The following SQSTM1 variants were observed in gnomAD, a reference collection of about 807,000 sequenced individuals.
SQSTM1 encodes sequestosome-1.
SQSTM1 carries 36 observed loss-of-function variants against 45.1 expected under a neutral mutation model. That is an observed-to-expected ratio of 0.80 (90% confidence interval 0.61 to 1.05). The LOEUF (loss-of-function observed/expected upper bound fraction) is 1.05. SQSTM1 is among the 50% of genes least tolerant of loss of function. The pLI, the probability that SQSTM1 is intolerant of heterozygous loss-of-function variation, is 0.00. For synonymous variants in SQSTM1, 290 were observed against 244.3 expected (o/e 1.19, Z -1.74); for missense variants, 617 against 607.1 (o/e 1.02, Z -0.17).
Position 179,823,073 on chromosome 5 carries a change from G to T in SQSTM1, c.301+20G>T, listed in dbSNP as rs1196036120. The T allele has an allele frequency of 1.2e-6, 2 of 1,606,786 alleles. No homozygotes were observed. Among genetic ancestry groups the T allele is most frequent in the East Asian group, 4.5e-5 (2 of 44,822 alleles). On this transcript the variant is annotated intron_variant, in intron 2 of 7. Coordinates refer to ENST00000389805, the MANE Select transcript of SQSTM1 (RefSeq NM_003900.5). ...TTAAAGGTAAGGGGCTGCTCTGGGG[G>T]CTGCCTGAAGCCAGCTCAGCTTGTA...
At position 179,837,959 on chromosome 5, in the gene SQSTM1, T is replaced by A; in HGVS notation, c.*1366T>A. The A allele has an allele frequency of 1.4e-6, 2 of 1,440,278 alleles. No individual in the cohort carries two copies. Among genetic ancestry groups the A allele is most frequent in the Non-Finnish European group, 1.9e-6 (2 of 1,064,442 alleles). 89.2% of individuals were successfully genotyped at this position (1,440,278 alleles called of 1,614,324 possible). On this transcript the variant is annotated 3_prime_UTR_variant, in exon 8 of 8. Coordinates refer to ENST00000389805, the MANE Select transcript of SQSTM1 (RefSeq NM_003900.5). Reference sequence around the variant, plus strand: ...GCCCAGGAGGACCGCCTGCCCTGCCTGGGCCTTGGCTGGGCCTCTGGTTCT... The same window carrying A: ...GCCCAGGAGGACCGCCTGCCCTGCCAGGGCCTTGGCTGGGCCTCTGGTTCT...
intron 2 of SQSTM1, 109 bp from the exon 3 acceptor site, chr5:179,823,749 T>G: frequency 8.0e-7 from 1 of 1,244,708 alleles, no homozygotes; most frequent in East Asian, 2.4e-5. Context: ...GATTCCATGC[T>G]GGAGAGCAGG....
Position 179,835,086 on chromosome 5 carries a change from T to C in SQSTM1, c.1165+1304T>C, listed in dbSNP as rs1328798228. The C allele has an allele frequency of 8.9e-4, 181 of 203,378 alleles. 1 individual carries two copies. Among genetic ancestry groups the C allele is most frequent in the African/African-American group, 3.6e-3 (141 of 39,576 alleles). The allele number at this position is 203,378 out of a possible 1,614,324, so 12.6% of individuals were successfully genotyped here. ...GCAGAGACGCTCCTCACCTCCCGGA[T>C]GGGGTCGCGGCCAGGCAGAGGCGCT... On this transcript the variant is annotated intron_variant, in intron 7 of 7. Coordinates refer to ENST00000389805, the MANE Select transcript of SQSTM1 (RefSeq NM_003900.5).
chr5:179,824,423 G>C, intron 4 of SQSTM1, 100 bp downstream of exon 4: 1 of 1,551,854 alleles, frequency 6.4e-7, no homozygotes, highest in South Asian at 1.1e-5. Flanking sequence ...CAAGAATTCA[G>C]GATACCCCCC....
upstream of SQSTM1, among the ~76,000 whole-genome samples, chr5:179,814,864 G>A (rs1033778273): frequency 1.3e-5 from 2 of 151,992 alleles, no homozygotes; most frequent in African/African-American, 2.4e-5. Context: ...CATGGTTGCC[G>A]TGATCCATGA....
At position 179,823,900 on chromosome 5, in the gene SQSTM1, A is replaced by C; in HGVS notation, c.344A>C (p.Gln115Pro). 1 of 1,613,464 alleles carries C rather than the reference A, an allele frequency of 6.2e-7. No homozygotes were observed. Among genetic ancestry groups the C allele is most frequent in the Non-Finnish European group, 8.5e-7 (1 of 1,180,022 alleles). Reference sequence around the variant, plus strand: ...CGGGACCACCGCCCACCGTGTGCTCAGGAGGCGCCCCGCAACATGGTGCAC... The same window carrying C: ...CGGGACCACCGCCCACCGTGTGCTCCGGAGGCGCCCCGCAACATGGTGCAC... ...CRRDHRPPCAQEAPRNMVHPN... is the reference protein window; with the variant it reads ...CRRDHRPPCAPEAPRNMVHPN... The change falls in exon 3 of 8, where the codon CAG becomes CCG. Residue 115 changes from glutamine to proline, a missense_variant. Coordinates refer to ENST00000389805, the MANE Select transcript of SQSTM1 (RefSeq NM_003900.5).
Position 179,837,550 on chromosome 5 carries a change from G to A in SQSTM1, c.*957G>A, listed in dbSNP as rs375294105. On this transcript the variant is annotated 3_prime_UTR_variant, in exon 8 of 8. Coordinates refer to ENST00000389805, the MANE Select transcript of SQSTM1 (RefSeq NM_003900.5). ...AAGGCCTCTCAGACCCAGATGTGAC[G>A]GGGTGTGTGGCCCGAGGAAGCTGGA... is the stretch of plus-strand genomic sequence containing the variant. 1.5e-4 allele frequency: 240 copies of A among 1,614,212 alleles called. No individual in the cohort carries two copies. Among genetic ancestry groups the A allele is most frequent in the Non-Finnish European group, 6.4e-5 (76 of 1,180,022 alleles).
chr5:179,832,346 C>T (rs547549264), intron 5 of SQSTM1, among the ~76,000 whole-genome samples: 2 of 152,320 alleles, frequency 1.3e-5, no homozygotes, highest in South Asian at 4.1e-4. Flanking sequence ...GGTGATTCTC[C>T]CCTCTGTCCC....
intron 6 of SQSTM1, 32 bp from the exon 7 acceptor site, chr5:179,833,555 C>T (rs1758349688): frequency 1.2e-6 from 2 of 1,613,014 alleles, no homozygotes; most frequent in Non-Finnish European, 1.7e-6. Flanking sequence ...TTGCGCGTGT[C>T]TCCTGTGTGC....
At position 179,836,725 on chromosome 5, in the gene SQSTM1, G is replaced by A. The variant is rs1247997965; in HGVS notation, c.*132G>A. The A allele has an allele frequency of 7.3e-7, 1 of 1,366,156 alleles. No homozygotes were observed. Among genetic ancestry groups the A allele is most frequent in the East Asian group, 2.3e-5 (1 of 43,716 alleles). The allele number at this position is 1,366,156 out of a possible 1,614,324, so 84.6% of individuals were successfully genotyped here. ...AGGATCAGGGGTTAGGGTGCAAGAAGCCATTTAGGGCAGCAAAACAAGTGA... is the reference window on the plus strand; with the variant it reads ...AGGATCAGGGGTTAGGGTGCAAGAAACCATTTAGGGCAGCAAAACAAGTGA... On this transcript the variant is annotated 3_prime_UTR_variant, in exon 8 of 8. Coordinates refer to ENST00000389805, the MANE Select transcript of SQSTM1 (RefSeq NM_003900.5).
intron 1 of SQSTM1, among the ~76,000 whole-genome samples, chr5:179,822,030 A>G (rs1256533781): frequency 6.6e-6 from 1 of 152,134 alleles, no homozygotes; most frequent in Admixed American, 6.5e-5. Context: ...GGTTTTCACT[A>G]TTTTCATAGG....
chr5:179,819,221 C>T (rs1473007359), upstream of SQSTM1, among the ~76,000 whole-genome samples: 3 of 152,202 alleles, frequency 2.0e-5, no homozygotes, highest in Non-Finnish European at 4.4e-5. Context: ...CGCGTGGGGG[C>T]AGGGCGGCCG....
chr5:179,836,996 C>CT lies in SQSTM1; in HGVS notation c.*404dup. 1 of 613,030 alleles carries CT rather than the reference C, an allele frequency of 1.6e-6. No homozygotes were observed. The allele number at this position is 613,030 out of a possible 1,614,324, so 38.0% of individuals were successfully genotyped here. The stretch of plus-strand genomic sequence containing the variant: ...TTTTCTGCTACAGACCTGGTACACT[C>CT]TGATTTTAGATAAAGTAAGCCTAGG... On this transcript the variant is annotated 3_prime_UTR_variant, in exon 8 of 8. Coordinates refer to ENST00000389805, the MANE Select transcript of SQSTM1 (RefSeq NM_003900.5).
At position 179,837,511 on chromosome 5, in the gene SQSTM1, T is replaced by C. The variant is rs772077418; in HGVS notation, c.*918T>C. On this transcript the variant is annotated 3_prime_UTR_variant, in exon 8 of 8. Transcript: ENST00000389805. ...CTGCCCAGGGAGTCCTTGCGTCCCATGAGGTCTTCCCGCAAGGCCTCTCAG... is the reference window on the plus strand; with the variant it reads ...CTGCCCAGGGAGTCCTTGCGTCCCACGAGGTCTTCCCGCAAGGCCTCTCAG... 6.2e-7 allele frequency: 1 copy of C among 1,614,192 alleles called. No homozygotes were observed. The highest frequency in any genetic ancestry group is 8.5e-7 in the Non-Finnish European group (1 of 1,180,016).
At chr5:179,823,445 C>CAAAAAAAAAAA (rs59899831) in intron 2 of SQSTM1, 11 of 55,922 alleles carry the variant, frequency 2.0e-4, no homozygotes, top group Non-Finnish European at 3.1e-4. Flanking sequence ...GCCTAGGCGA[C>CAAAAAAAAAAA]AAAAAAAAAA....
At chr5:179,832,882 C>G (rs146554613) in intron 5 of SQSTM1, 150 bp from the exon 6 acceptor site, 3 of 782,598 alleles carry the variant, frequency 3.8e-6, no homozygotes, top group Non-Finnish European at 6.5e-6. Context: ...TGCATCCACA[C>G]GCTGAGTGCC....
chr5:179,810,112 T>C (rs1316329021), intron 1 of SQSTM1, among the ~76,000 whole-genome samples: 1 of 152,100 alleles, frequency 6.6e-6, no homozygotes, highest in Non-Finnish European at 1.5e-5. Flanking sequence ...TAAATTTAAA[T>C]TTTTATTTTT....
chr5:179,819,573 G>A, upstream of SQSTM1, among the ~76,000 whole-genome samples: 1 of 152,244 alleles, frequency 6.6e-6, no homozygotes, highest in East Asian at 1.9e-4. Flanking sequence ...GTGGCTCTCA[G>A]GCGCCTGGGC....
chr5:179,828,045 G>C (rs545909782), intron 5 of SQSTM1, among the ~76,000 whole-genome samples: 1 of 152,190 alleles, frequency 6.6e-6, no homozygotes, highest in South Asian at 2.1e-4. Flanking sequence ...TGGGATCTTT[G>C]ATAAACCGAC....
Sources: gnomAD v4.1 joint callset for allele counts (sites outside exome capture counted in the v4.1 genomes callset) on GRCh38, gnomAD v4.1.1 for gene constraint, MANE v1.5 for transcripts, NCBI Gene and HGNC (gene_info 2026-07-23, HGNC 2026-07-21) for gene names.